Variants in FHAD1 observed in about 807,000 individuals in gnomAD.
The protein encoded by FHAD1 is forkhead-associated domain-containing protein 1.
A neutral mutation model predicts 191.3 loss-of-function variants in FHAD1; 146 were observed. The observed-to-expected ratio is 0.76, with a 90% CI of 0.67 to 0.88. The LOEUF is 0.88. Ranked by LOEUF, FHAD1 falls within the 40% of genes least tolerant of loss-of-function variation. The pLI is 0.00. For synonymous variants in FHAD1, 616 were observed against 672.3 expected (o/e 0.92, Z 1.29); for missense variants, 1,635 against 1,785.8 (o/e 0.92, Z 1.52).
At chr1:15,249,770 TC>T (rs1646542934) in intron 1 of FHAD1, among the ~76,000 whole-genome samples, 1 of 151,596 alleles carries the variant, frequency 6.6e-6, no homozygotes, top group Non-Finnish European at 1.5e-5. Flanking sequence ...AACCTCTCCC[TC>T]CCCCCACTCA....
intron 21 of FHAD1, among the ~76,000 whole-genome samples, chr1:15,360,027 C>T (rs185186971): frequency 9.2e-4 from 140 of 152,032 alleles, no homozygotes; most frequent in African/African-American, 2.7e-3. Flanking sequence ...GCAGGAGAAT[C>T]GCTTGAACCC....
chr1:15,378,747 TTTTTTG>T, intron 28 of FHAD1, among the ~76,000 whole-genome samples: 1 of 152,188 alleles, frequency 6.6e-6, no homozygotes, highest in African/African-American at 2.4e-5. Flanking sequence ...TGTGAATGGG[TTTTTTG>T]TTTTTATTTT....
intron 33 of FHAD1, among the ~76,000 whole-genome samples, chr1:15,395,251 T>C (rs988875303): frequency 1.4e-5 from 2 of 138,760 alleles, no homozygotes; most frequent in Non-Finnish European, 3.0e-5. Flanking sequence ...GAGGCGGAGG[T>C]GAGCAGAGAT....
Position 15,301,367 on chromosome 1 carries a change from A to G in FHAD1, c.841A>G (p.Ile281Val), listed in dbSNP as rs748993451. 1.3e-6 allele frequency: 2 copies of G among 1,551,766 alleles called. No individual in the cohort carries two copies. Among genetic ancestry groups the G allele is most frequent in the Non-Finnish European group, 1.7e-6 (2 of 1,147,006 alleles). Residue 281 changes from isoleucine (I) to valine (V), a missense_variant, in exon 6 of 34, where the codon ATC (isoleucine) becomes GTC (valine). By Grantham distance (29) the Ile-to-Val change is conservative (BLOSUM62 3). Coordinates refer to ENST00000688493, the MANE Select transcript of FHAD1 (RefSeq NM_001391957.1). ...CACCTCCAGGCAGAATGAGAAGGAGATCTCGCAGAAGTGTCAGGTTCTGGA... is the reference window on the plus strand; with the variant it reads ...CACCTCCAGGCAGAATGAGAAGGAGGTCTCGCAGAAGTGTCAGGTTCTGGA... ...TTTSRQNEKE[I>V]SQKCQVLDED...
intron 23 of FHAD1, 141 bp from the exon 24 acceptor site, chr1:15,365,686 T>A: frequency 9.5e-6 from 5 of 525,748 alleles, no homozygotes; most frequent in East Asian, 6.2e-5. Flanking sequence ...TTTTGAAGAC[T>A]GTCCTCATCC....
At chr1:15,270,144 C>A (rs12029600) in intron 2 of FHAD1, among the ~76,000 whole-genome samples, 47,901 of 151,846 alleles carry the variant, frequency 0.32, 8,167 homozygotes, top group East Asian at 0.55. Flanking sequence ...CTCCTGACCT[C>A]AGGGGATCTG....
rs745658743 is a variant in FHAD1 at position 15,301,371 on chromosome 1, C to A, written c.845C>A (p.Ser282Ter). Reference protein sequence around the residue: ...TTSRQNEKEISQKCQVLDEDI... With the variant: ...TTSRQNEKEI ...TCCAGGCAGAATGAGAAGGAGATCTCGCAGAAGTGTCAGGTTCTGGATGAA... is the reference window on the plus strand; with the variant it reads ...TCCAGGCAGAATGAGAAGGAGATCTAGCAGAAGTGTCAGGTTCTGGATGAA... The change falls in exon 6 of 34, where the codon TCG becomes TAG. Residue 282 changes from serine (S) to a stop codon, truncating the protein, a stop_gained. Transcript: ENST00000688493. LOFTEE classifies it high-confidence loss of function. 1.3e-6 allele frequency: 2 copies of A among 1,551,622 alleles called. No individual in the cohort carries two copies. Among genetic ancestry groups the A allele is most frequent in the Non-Finnish European group, 1.7e-6 (2 of 1,147,008 alleles).
Position 15,330,395 on chromosome 1 carries a change from G to A in FHAD1, c.1906+854G>A, listed in dbSNP as rs1261484851. Among the ~76,000 whole-genome samples, 4 of 152,156 alleles carry A rather than the reference G, an allele frequency of 2.6e-5. No individual in the cohort carries two copies. In the East Asian group the frequency reaches 7.7e-4, roughly 29 times the overall value. ...GCAGGGCAGAGACGTAACGGGGTCA[G>A]GAACAGGTAGAATCAGGTCATGGGT... On this transcript the variant is annotated intron_variant, in intron 14 of 33. Transcript: ENST00000688493.
rs554555863 is a variant in FHAD1 at position 15,337,827 on chromosome 1, G to A, written c.1907-1654G>A. Among the ~76,000 whole-genome samples, 84 of 152,034 alleles carry A rather than the reference G, an allele frequency of 5.5e-4. 1 individual carries two copies. Among genetic ancestry groups the A allele is most frequent in the South Asian group, 1.0e-3 (5 of 4,818 alleles). On this transcript the variant is annotated intron_variant, in intron 14 of 33. Transcript: ENST00000688493. ...ACTGTTCTGTCAGCCGCTGGAATAG[G>A]AGTGACTCAGACCTCGAGTCACACC...
chr1:15,348,478 C>T (rs1227663783), intron 18 of FHAD1, among the ~76,000 whole-genome samples: 1 of 152,162 alleles, frequency 6.6e-6, no homozygotes, highest in Non-Finnish European at 1.5e-5. Flanking sequence ...TTGATTAGGG[C>T]CACTAAATAC....
chr1:15,367,542 G>A lies in FHAD1; in HGVS notation c.3234G>A (p.Val1078=). The part of the protein sequence containing the change: ...LVQQQSKELS[V]LKEKMAQMSS... ...AGCAGCAGAGCAAGGAGCTGAGTGT[G>A]CTCAAGGAGAAGATGGCCCAGATGA... Residue 1078 remains valine, a synonymous_variant, in exon 25 of 34, where the codon GTG becomes GTA. Transcript: ENST00000688493. 1 of 1,543,402 alleles carries A rather than the reference G, an allele frequency of 6.5e-7. No individual in the cohort carries two copies. Among genetic ancestry groups the A allele is most frequent in the East Asian group, 2.5e-5 (1 of 40,276 alleles).
At chr1:15,373,022 C>T (rs554273949) in intron 26 of FHAD1, among the ~76,000 whole-genome samples, 1 of 152,250 alleles carries the variant, frequency 6.6e-6, no homozygotes, top group African/African-American at 2.4e-5. Flanking sequence ...TAGAGGTGCT[C>T]AATAAATCGA....
Position 15,348,019 on chromosome 1 carries a change from C to T in FHAD1, c.2347-1023C>T, listed in dbSNP as rs75174135. Among the ~76,000 whole-genome samples the T allele has an allele frequency of 3.1e-3, 478 of 152,268 alleles. 2 individuals are homozygous for T. The highest frequency in any genetic ancestry group is 9.8e-3 in the African/African-American group (406 of 41,536). On this transcript the variant is annotated intron_variant, in intron 18 of 33. Transcript: ENST00000688493. The stretch of plus-strand genomic sequence containing the variant: ...CAGAGTCAGACACAGCAGAGCCAAC[C>T]CTAAGTCCCTAGGAAGTGCCTCAAA...
chr1:15,378,183 G>A (rs1700094201), intron 28 of FHAD1, among the ~76,000 whole-genome samples: 1 of 152,174 alleles, frequency 6.6e-6, no homozygotes. Flanking sequence ...GCACATCCGT[G>A]CTCAGGCACG....
At chr1:15,272,938 C>T (rs930582182) in intron 3 of FHAD1, among the ~76,000 whole-genome samples, 2 of 152,150 alleles carry the variant, frequency 1.3e-5, no homozygotes, top group African/African-American at 2.4e-5. Flanking sequence ...GCCTTCTTGA[C>T]GGCACATGGC....
intron 2 of FHAD1, among the ~76,000 whole-genome samples, chr1:15,258,830 C>A (rs147996291): frequency 6.6e-6 from 1 of 152,068 alleles, no homozygotes; most frequent in Non-Finnish European, 1.5e-5. Context: ...TCAGGTGATC[C>A]GCCCGCCTCG....
chr1:15,382,122 G>T lies in FHAD1; in HGVS notation c.4117G>T (p.Glu1373Ter), dbSNP rs1348415493. Residue 1373 changes from glutamate (E) to a stop codon, truncating the protein, a stop_gained, in exon 31 of 34, where the codon GAG becomes TAG. Coordinates refer to ENST00000688493, the MANE Select transcript of FHAD1 (RefSeq NM_001391957.1). LOFTEE classifies it high-confidence loss of function. ...KEAEEKALLK[E>*]ALERMEHQLC... ...GGCCGAAGAGAAGGCCCTGCTGAAG[G>T]AGGCCCTGGAGCGCATGGAGCACCA... is the stretch of plus-strand genomic sequence containing the variant. The T allele has an allele frequency of 6.4e-7, 1 of 1,552,132 alleles. No homozygotes were observed. Among genetic ancestry groups the T allele is most frequent in the East Asian group, 2.4e-5 (1 of 40,896 alleles).
chr1:15,293,355 TG>T (rs1665566607), intron 4 of FHAD1, among the ~76,000 whole-genome samples: 1 of 152,218 alleles, frequency 6.6e-6, no homozygotes, highest in African/African-American at 2.4e-5. Context: ...ATGTAGTGTA[TG>T]TTTTTCATGT....
upstream of FHAD1, among the ~76,000 whole-genome samples, chr1:15,242,835 C>T (rs972434204): frequency 2.1e-4 from 32 of 152,156 alleles, no homozygotes; most frequent in African/African-American, 6.0e-4. Flanking sequence ...AGGCAATAAT[C>T]GTAAACACTC....
Sources: allele counts gnomAD v4.1 joint callset (sites outside exome capture counted in the v4.1 genomes callset), GRCh38; gene constraint gnomAD v4.1.1; transcripts MANE v1.5; gene names NCBI Gene and HGNC (gene_info 2026-07-23, HGNC 2026-07-21).